The following SUSD6 variants were observed in gnomAD, a reference collection of about 807,000 sequenced individuals.
The protein encoded by SUSD6 is sushi domain containing 6.
A neutral mutation model predicts 28.4 loss-of-function variants in SUSD6; 16 were observed. The observed-to-expected ratio is 0.56, with a 90% CI of 0.38 to 0.86. The LOEUF is 0.86. SUSD6 is among the 40% of genes least tolerant of loss of function. SUSD6 has a pLI of 0.00. For missense variants in SUSD6, 341 were observed against 384.2 expected (o/e 0.89, Z 0.94); for synonymous variants, 147 against 159.6 (o/e 0.92, Z 0.59).
At chr14:69,616,895 A>G (rs1219839121) in intron 1 of SUSD6, among the ~76,000 whole-genome samples, 1 of 152,094 alleles carries the variant, frequency 6.6e-6, no homozygotes, top group Non-Finnish European at 1.5e-5. Context: ...CTATCACCAT[A>G]ATCTAATTTT....
Position 69,658,689 on chromosome 14 carries a change from C to T in SUSD6, c.97C>T (p.Leu33=), listed in dbSNP as rs557802876. The T allele has an allele frequency of 2.5e-6, 4 of 1,614,036 alleles. No individual in the cohort carries two copies. The South Asian group carries it at 3.3e-5, about 13-fold the overall frequency. The change falls in exon 2 of 6, where the codon CTG becomes TTG. Residue 33 remains leucine (L), a synonymous_variant. Transcript: ENST00000342745. The part of the protein sequence containing the change: ...VFLPLVILCT[L]LGDGLASVCP... The stretch of plus-strand genomic sequence containing the variant: ...CCTTCCGCTAGTGATCCTTTGCACC[C>T]TGCTTGGAGACGGACTTGCTTCCGG...
chr14:69,645,006 G>T (rs1364752871), intron 1 of SUSD6, among the ~76,000 whole-genome samples: 1 of 152,132 alleles, frequency 6.6e-6, no homozygotes, highest in East Asian at 1.9e-4. Flanking sequence ...TCTCATTTTT[G>T]CTTGTACCTC....
At chr14:69,614,569 A>G (rs1180157478) in intron 1 of SUSD6, among the ~76,000 whole-genome samples, 2 of 152,070 alleles carry the variant, frequency 1.3e-5, no homozygotes, top group Non-Finnish European at 2.9e-5. Context: ...CACTCCCTCC[A>G]CACTTGTCCA....
At chr14:69,690,674 G>T (rs1302982546) in intron 2 of SUSD6, among the ~76,000 whole-genome samples, 1 of 152,184 alleles carries the variant, frequency 6.6e-6, no homozygotes, top group Non-Finnish European at 1.5e-5. Context: ...ATGGCAAACT[G>T]CTTTTCCCGT....
chr14:69,648,964 C>A (rs2139607753), intron 1 of SUSD6, among the ~76,000 whole-genome samples: 1 of 152,258 alleles, frequency 6.6e-6, no homozygotes, highest in South Asian at 2.1e-4. Context: ...ACTGTGCATG[C>A]AAAACACTGT....
chr14:69,713,495 A>AT lies in SUSD6; in HGVS notation c.*2517dup, dbSNP rs1185576604. 2.0e-5 allele frequency: 3 copies of AT among 152,242 alleles called. No individual in the cohort carries two copies. The highest frequency in any genetic ancestry group is 4.4e-5 in the Non-Finnish European group (3 of 68,114). The allele number at this position is 152,242 out of a possible 1,614,324, so 9.4% of individuals were successfully genotyped here. On this transcript the variant is annotated 3_prime_UTR_variant, in exon 6 of 6. Coordinates refer to ENST00000342745, the MANE Select transcript of SUSD6 (RefSeq NM_014734.4). The stretch of plus-strand genomic sequence containing the variant: ...TCTGTGACAGCTTCTTCCTCCAGTT[A>AT]TGTCTTTCTTCCAAAGCAATTTCTT...
chr14:69,653,821 A>G (rs1388685555), intron 1 of SUSD6, among the ~76,000 whole-genome samples: 2 of 125,094 alleles, frequency 1.6e-5, no homozygotes, highest in East Asian at 2.4e-4. Flanking sequence ...TTTAAATTCT[A>G]TATTCAAGGC....
chr14:69,670,367 A>G (rs942367641), intron 2 of SUSD6: 1 of 437,786 alleles, frequency 2.3e-6, no homozygotes, highest in African/African-American at 2.0e-5. Flanking sequence ...TACTGAAAAT[A>G]GAACAATTCC....
intron 2 of SUSD6, among the ~76,000 whole-genome samples, chr14:69,700,707 T>G (rs1886301560): frequency 6.6e-6 from 1 of 152,212 alleles, no homozygotes; most frequent in South Asian, 2.1e-4. Context: ...TGCTTTGAAC[T>G]TCCTCTCTTG....
chr14:69,629,064 G>A lies in SUSD6; in HGVS notation c.-81+17236G>A, dbSNP rs116054272. On this transcript the variant is annotated intron_variant, in intron 1 of 5. Transcript: ENST00000342745. Reference sequence around the variant, plus strand: ...TATGTGGATTCGAAAGTTGGGTGGGGGATGAGGTGGTGAGGGAGGCAGAGA... The same window carrying A: ...TATGTGGATTCGAAAGTTGGGTGGGAGATGAGGTGGTGAGGGAGGCAGAGA... Among the ~76,000 whole-genome samples the A allele has an allele frequency of 8.4e-3, 1,279 of 152,080 alleles. 13 individuals carry two copies. Among genetic ancestry groups the A allele is most frequent in the African/African-American group, 0.029 (1,215 of 41,468 alleles).
chr14:69,703,041 T>C lies in SUSD6; in HGVS notation c.122-354T>C, dbSNP rs117741359. On this transcript the variant is annotated intron_variant, in intron 2 of 5. Transcript: ENST00000342745. ...TTTTTCCTCCTTTCACTGTGATTTA[T>C]TATGTGTGTTACAGGCTTTATTACA... Among the ~76,000 whole-genome samples the C allele has an allele frequency of 7.0e-3, 1,065 of 152,338 alleles. 2 individuals are homozygous for C. The highest frequency in any genetic ancestry group is 0.015 in the South Asian group (74 of 4,832).
At position 69,713,064 on chromosome 14, in the gene SUSD6, T is replaced by A. The variant is rs1208004744; in HGVS notation, c.*2085T>A. On this transcript the variant is annotated 3_prime_UTR_variant, in exon 6 of 6. Coordinates refer to ENST00000342745, the MANE Select transcript of SUSD6 (RefSeq NM_014734.4). ...GAAGTCTCACTGCTGAGCCTTCAGC[T>A]TTTATTTTTCACTGTTTCAAAACCC... is the stretch of plus-strand genomic sequence containing the variant. 2.0e-5 allele frequency: 3 copies of A among 152,196 alleles called. No homozygotes were observed. Among genetic ancestry groups the A allele is most frequent in the Non-Finnish European group, 4.4e-5 (3 of 68,040 alleles). The allele number at this position is 152,196 out of a possible 1,614,324, so 9.4% of individuals were successfully genotyped here.
chr14:69,634,434 A>G (rs1405113820), intron 1 of SUSD6, among the ~76,000 whole-genome samples: 2 of 152,214 alleles, frequency 1.3e-5, no homozygotes, highest in Non-Finnish European at 2.9e-5. Flanking sequence ...TTCTTTGAAT[A>G]GTAGAATCTT....
intron 1 of SUSD6, among the ~76,000 whole-genome samples, chr14:69,654,283 A>G (rs1167348068): frequency 6.6e-6 from 1 of 152,252 alleles, no homozygotes; most frequent in Non-Finnish European, 1.5e-5. Flanking sequence ...TGCCTGTCAG[A>G]TGCCAGGCCT....
At chr14:69,663,804 C>T (rs1036224190) in intron 2 of SUSD6, among the ~76,000 whole-genome samples, 1 of 152,108 alleles carries the variant, frequency 6.6e-6, no homozygotes, top group Non-Finnish European at 1.5e-5. Flanking sequence ...GCTACCTGTG[C>T]TGAGTGACAG....
chr14:69,634,524 C>T (rs1414773360), intron 1 of SUSD6, among the ~76,000 whole-genome samples: 3 of 152,214 alleles, frequency 2.0e-5, no homozygotes, highest in African/African-American at 7.2e-5. Flanking sequence ...CCTCCATCTC[C>T]CTTTCATTTC....
intron 1 of SUSD6, among the ~76,000 whole-genome samples, chr14:69,634,952 A>G (rs1003878289): frequency 4.6e-5 from 7 of 152,208 alleles, no homozygotes; most frequent in African/African-American, 7.2e-5. Flanking sequence ...TTCCCATTCT[A>G]TTCTCAGCTA....
chr14:69,622,738 C>T (rs1345859686), intron 1 of SUSD6, among the ~76,000 whole-genome samples: 3 of 152,042 alleles, frequency 2.0e-5, no homozygotes, highest in African/African-American at 4.8e-5. Flanking sequence ...GGATTACAGG[C>T]GCCCACCACC....
intron 4 of SUSD6, 113 bp downstream of exon 4, chr14:69,704,855 C>T (rs962712133): frequency 5.1e-6 from 6 of 1,169,904 alleles, no homozygotes; most frequent in Non-Finnish European, 7.3e-6. Context: ...CTGTGTGTGT[C>T]CAGGGAGTGG....
Sources: gnomAD v4.1 joint callset for allele counts (sites outside exome capture counted in the v4.1 genomes callset) on GRCh38, gnomAD v4.1.1 for gene constraint, MANE v1.5 for transcripts, NCBI Gene and HGNC (gene_info 2026-07-23, HGNC 2026-07-21) for gene names.